The following PTPRT variants were observed in gnomAD, a reference collection of about 807,000 sequenced individuals.
PTPRT encodes the protein protein tyrosine phosphatase receptor type T, also known as receptor-type tyrosine-protein phosphatase T.
PTPRT carries 56 observed loss-of-function variants against 176.8 expected under a neutral mutation model. The observed-to-expected ratio is 0.32, with a 90% CI of 0.26 to 0.40. The LOEUF is 0.40. PTPRT is among the 10% of genes least tolerant of loss of function. The probability of loss-of-function intolerance (pLI) is 1.00; values close to 1 mark genes in which losing one functional copy is unlikely to be tolerated. For synonymous variants in PTPRT, 783 were observed against 739.0 expected, an observed-to-expected ratio of 1.06 and a Z score of -0.96; for missense variants, 1,540 against 1,908.2, an observed-to-expected ratio of 0.81 and a Z score of 3.60.
In PTPRT at chr20:42,848,324, C is replaced by T. The variant is rs532847180; in HGVS notation, c.214+37483G>A. Among the ~76,000 whole-genome samples the T allele has an allele frequency of 4.9e-4, 74 of 152,272 alleles. 1 individual carries two copies. Among genetic ancestry groups the T allele is most frequent in the Middle Eastern group, 6.8e-3 (2 of 294 alleles). The stretch of plus-strand genomic sequence containing the variant: ...TCTTTTTTGTATAATCACTTCTTTT[C>T]CTTTGGGTAGATACCCAGTAGTGGG... On this transcript the variant is annotated intron_variant, in intron 2 of 30. Transcript: ENST00000373187.
At chr20:42,617,120 C>T (rs1427071256) in intron 7 of PTPRT, among the ~76,000 whole-genome samples, 1 of 137,270 alleles carries the variant, frequency 7.3e-6, no homozygotes, top group East Asian at 2.0e-4. Flanking sequence ...CCCATCAATA[C>T]CTAATTTATT....
chr20:42,417,105 C>T (rs968007959), intron 9 of PTPRT, among the ~76,000 whole-genome samples: 6 of 152,128 alleles, frequency 3.9e-5, no homozygotes, highest in Non-Finnish European at 5.9e-5. Context: ...AAGTAAAGGG[C>T]CCTGTACAGA....
intron 11 of PTPRT, among the ~76,000 whole-genome samples, chr20:42,346,671 A>G (rs989113313): frequency 6.6e-6 from 1 of 152,174 alleles, no homozygotes; most frequent in Non-Finnish European, 1.5e-5. Flanking sequence ...CAGTTCTACC[A>G]GATAGAGTCA....
chr20:43,032,974 T>C (rs1465033360), intron 1 of PTPRT, among the ~76,000 whole-genome samples: 1 of 152,214 alleles, frequency 6.6e-6, no homozygotes, highest in African/African-American at 2.4e-5. Flanking sequence ...GCCAAGCCAT[T>C]GTGTCCTTAA....
At chr20:43,188,548 A>G (rs1366452483) in intron 1 of PTPRT, among the ~76,000 whole-genome samples, 2 of 152,074 alleles carry the variant, frequency 1.3e-5, no homozygotes, top group African/African-American at 4.8e-5. Context: ...GAAATAATAA[A>G]TGGGCACAGC....
chr20:42,051,213 G>A, the PTPRT span, among the ~76,000 whole-genome samples: 2 of 152,180 alleles, frequency 1.3e-5, no homozygotes, highest in African/African-American at 4.8e-5. Context: ...CTTCCTCAAA[G>A]CCCTGAAAAC....
chr20:43,087,327 C>T (rs897140896), intron 1 of PTPRT, among the ~76,000 whole-genome samples: 3 of 150,340 alleles, frequency 2.0e-5, no homozygotes, highest in East Asian at 2.0e-4. Flanking sequence ...GGCCTCACAC[C>T]CACCAGGTTC....
At chr20:42,454,243 G>A (rs188446213) in intron 8 of PTPRT, among the ~76,000 whole-genome samples, 40 of 151,900 alleles carry the variant, frequency 2.6e-4, no homozygotes, top group Admixed American at 1.4e-3. Flanking sequence ...CCATTCTACC[G>A]TATATGAACA....
At chr20:42,411,159 T>C (rs992575409) in intron 9 of PTPRT, among the ~76,000 whole-genome samples, 2 of 152,116 alleles carry the variant, frequency 1.3e-5, no homozygotes, top group Admixed American at 6.6e-5. Context: ...TCTGAAAAGA[T>C]GAACGCCAGG....
chr20:42,559,108 G>C (rs2072908303), intron 7 of PTPRT, among the ~76,000 whole-genome samples: 1 of 152,144 alleles, frequency 6.6e-6, no homozygotes, highest in South Asian at 2.1e-4. Flanking sequence ...TATGAACTAT[G>C]GGTGATTATG....
chr20:42,668,850 C>G (rs919447042), intron 7 of PTPRT, among the ~76,000 whole-genome samples: 1 of 145,966 alleles, frequency 6.9e-6, no homozygotes, highest in Admixed American at 7.1e-5. Context: ...CGCCACCACG[C>G]CCAGCTAATT....
At chr20:42,342,593 A>C (rs887222836) in intron 11 of PTPRT, among the ~76,000 whole-genome samples, 1 of 152,234 alleles carries the variant, frequency 6.6e-6, no homozygotes, top group East Asian at 1.9e-4. Context: ...AAGGCCTCAC[A>C]AACTCCTCAG....
At chr20:42,734,100 C>T (rs2076502480) in intron 6 of PTPRT, among the ~76,000 whole-genome samples, 1 of 152,210 alleles carries the variant, frequency 6.6e-6, no homozygotes, top group South Asian at 2.1e-4. Flanking sequence ...CAGCTTGTAG[C>T]TGTCATGCAT....
intron 1 of PTPRT, among the ~76,000 whole-genome samples, chr20:42,955,458 C>T (rs778100760): frequency 1.3e-5 from 2 of 152,188 alleles, no homozygotes; most frequent in African/African-American, 2.4e-5. Flanking sequence ...AGGACAATGT[C>T]GGTTTGGTTC....
rs184008657 is a variant in PTPRT at position 42,505,675 on chromosome 20, T to A, written c.1154-33113A>T. Among the ~76,000 whole-genome samples the A allele has an allele frequency of 3.1e-3, 467 of 152,244 alleles. 3 individuals are homozygous for A. The highest frequency in any genetic ancestry group is 0.01 in the African/African-American group (430 of 41,558). ...ATTATTTGTTGAAATGACAGAATTT[T>A]AGGGTCATAGAAGGAGGGTGAGTTT... On this transcript the variant is annotated intron_variant, in intron 7 of 30. Coordinates refer to ENST00000373187, the MANE Select transcript of PTPRT (RefSeq NM_007050.6).
At chr20:42,975,909 C>A (rs1010070739) in intron 1 of PTPRT, among the ~76,000 whole-genome samples, 13 of 150,330 alleles carry the variant, frequency 8.6e-5, no homozygotes, top group Admixed American at 3.3e-4. Context: ...AACTATCAGT[C>A]CAACTTACCC....
intron 6 of PTPRT, among the ~76,000 whole-genome samples, chr20:42,738,586 T>C (rs2076568604): frequency 6.6e-6 from 1 of 152,136 alleles, no homozygotes; most frequent in Admixed American, 6.5e-5. Context: ...CTCCCCTCCA[T>C]TAGAATATCT....
intron 9 of PTPRT, among the ~76,000 whole-genome samples, chr20:42,409,513 A>C (rs2058993487): frequency 8.4e-6 from 1 of 118,984 alleles, no homozygotes; most frequent in Non-Finnish European, 1.8e-5. Context: ...AAAAAAAAAA[A>C]AAAAAGTATT....
chr20:42,487,053 C>CT (rs2145356007), intron 7 of PTPRT, among the ~76,000 whole-genome samples: 1 of 152,290 alleles, frequency 6.6e-6, no homozygotes, highest in African/African-American at 2.4e-5. Context: ...GCCAACACTC[C>CT]TTCACATAGT....
Sources: allele counts gnomAD v4.1 joint callset (sites outside exome capture counted in the v4.1 genomes callset), GRCh38; gene constraint gnomAD v4.1.1; transcripts MANE v1.5; gene names NCBI Gene and HGNC (gene_info 2026-07-23, HGNC 2026-07-21).